The following TENT4A variants were observed in gnomAD, a reference collection of about 807,000 sequenced individuals.
TENT4A encodes terminal nucleotidyltransferase 4A.
In TENT4A, 7 loss-of-function variants were observed where a neutral mutation model predicts 72.8. The observed-to-expected ratio is 0.10, with a 90% CI of 0.05 to 0.18. The LOEUF (loss-of-function observed/expected upper bound fraction) is 0.18, where lower values mean the gene tolerates loss of function less well. Ranked by LOEUF, TENT4A falls within the 10% of genes least tolerant of loss-of-function variation. The pLI, the probability that TENT4A is intolerant of heterozygous loss-of-function variation, is 1.00. For missense variants in TENT4A, 831 were observed against 1,017.7 expected, an observed-to-expected ratio of 0.82 and a Z score of 2.50; for synonymous variants, 456 against 434.3, an observed-to-expected ratio of 1.05 and a Z score of -0.62.
intron 1 of TENT4A, among the ~76,000 whole-genome samples, chr5:6,729,164 C>G (rs1447771801): frequency 6.6e-6 from 1 of 152,218 alleles, no homozygotes; most frequent in East Asian, 1.9e-4. Context: ...CTCAGTGGCT[C>G]AGACTTCAAG....
At chr5:6,750,905 T>A in intron 10 of TENT4A, 134 bp from the exon 11 acceptor site, 1 of 945,240 alleles carries the variant, frequency 1.1e-6, no homozygotes, top group Non-Finnish European at 1.6e-6. Flanking sequence ...GGCTGCCTGT[T>A]CAGAAGTTAG....
chr5:6,717,835 A>C (rs760658708), intron 1 of TENT4A, among the ~76,000 whole-genome samples: 2 of 145,910 alleles, frequency 1.4e-5, no homozygotes, highest in Non-Finnish European at 3.1e-5. Context: ...GGCTGTTGTT[A>C]CTTTGTCATG....
At chr5:6,746,050 T>TGAAGAGGC in intron 6 of TENT4A, 164 bp from the exon 7 acceptor site, 1 of 1,481,060 alleles carries the variant, frequency 6.8e-7, no homozygotes, top group East Asian at 2.5e-5. Flanking sequence ...CACTCCTCGT[T>TGAAGAGGC]GAAGAGGCTG....
At position 6,756,946 on chromosome 5, in the gene TENT4A, C is replaced by T. The variant is rs914992138; in HGVS notation, c.*2001C>T. 7 of 152,516 alleles carry T rather than the reference C, an allele frequency of 4.6e-5. No individual in the cohort carries two copies. The highest frequency in any genetic ancestry group is 2.1e-4 in the South Asian group (1 of 4,826). 9.4% of individuals were successfully genotyped at this position (152,516 alleles called of 1,614,324 possible). A position where few individuals can be genotyped will look rare whatever the true frequency, so the allele number is the denominator to read the frequency against. The stretch of plus-strand genomic sequence containing the variant: ...GGTTTGACAAAAAGATATCATGTTT[C>T]GATTTTTTTGTGTGTGGACAACAAT... On this transcript the variant is annotated 3_prime_UTR_variant, in exon 13 of 13. Transcript: ENST00000230859.
chr5:6,746,285 C>G lies in TENT4A; in HGVS notation c.1317C>G (p.Leu439=), dbSNP rs768281515. The G allele has an allele frequency of 1.5e-5, 24 of 1,614,034 alleles. No homozygotes were observed. The highest frequency in any genetic ancestry group is 1.6e-4 in the Middle Eastern group (1 of 6,084). The change falls in exon 7 of 13, where the codon CTC becomes CTG. Residue 439 remains leucine (L), a synonymous_variant. Coordinates refer to ENST00000230859, the MANE Select transcript of TENT4A (RefSeq NM_006999.6). ...TGCTTCTTGTAGAATTTTTTGAACT[C>G]TATGGGAGAAATTTTAATTACTTGA... ...LGMLLVEFFE[L]YGRNFNYLKT... is the part of the protein sequence containing the mutation.
At chr5:6,747,826 A>C (rs172080) in intron 7 of TENT4A, among the ~76,000 whole-genome samples, 93,671 of 152,142 alleles carry the variant, frequency 0.62, 29,784 homozygotes, top group Non-Finnish European at 0.7. Context: ...GATTAAAATT[A>C]GAAACAGTGC....
intron 1 of TENT4A, among the ~76,000 whole-genome samples, chr5:6,726,888 G>A (rs1740953876): frequency 6.6e-6 from 1 of 152,110 alleles, no homozygotes; most frequent in South Asian, 2.1e-4. Flanking sequence ...CGTGGCGGGG[G>A]GTTTTCTCTT....
intron 1 of TENT4A, among the ~76,000 whole-genome samples, chr5:6,723,357 C>G (rs1382103097): frequency 6.6e-6 from 1 of 151,992 alleles, no homozygotes; most frequent in Non-Finnish European, 1.5e-5. Context: ...CGGTCACTTC[C>G]TTCTCTCAAC....
intron 1 of TENT4A, among the ~76,000 whole-genome samples, chr5:6,731,363 G>C (rs1407943923): frequency 6.6e-6 from 1 of 152,128 alleles, no homozygotes; most frequent in African/African-American, 2.4e-5. Flanking sequence ...TTTTTCCCTA[G>C]AATTCAGGAT....
intron 1 of TENT4A, 67 bp downstream of exon 1, chr5:6,714,766 A>T (rs376790335): frequency 8.5e-5 from 45 of 529,624 alleles, no homozygotes; most frequent in Middle Eastern, 7.3e-4. Flanking sequence ...CCCGCGGTGC[A>T]GACACCCGTC....
Position 6,754,719 on chromosome 5 carries a change from G to T in TENT4A, c.2185-32G>T, listed in dbSNP as rs779276812. The T allele has an allele frequency of 3.3e-6, 5 of 1,529,486 alleles. No homozygotes were observed. The South Asian group carries it at 6.4e-5, about 19-fold the overall frequency. 94.7% of individuals were successfully genotyped at this position (1,529,486 alleles called of 1,614,324 possible). On this transcript the variant is annotated intron_variant, in intron 12 of 12. Transcript: ENST00000230859. ...ACGTGGGCATTGTGCCTGCTGTCTG[G>T]CTCCAACACTGCTGTCTCTCTCTTT...
intron 1 of TENT4A, among the ~76,000 whole-genome samples, chr5:6,734,875 C>T (rs1046227641): frequency 7.2e-5 from 11 of 152,240 alleles, no homozygotes; most frequent in East Asian, 1.9e-4. Flanking sequence ...TTGACAAAAA[C>T]GGATGCCATG....
At chr5:6,736,610 C>T (rs1290242607) in intron 1 of TENT4A, among the ~76,000 whole-genome samples, 3 of 152,224 alleles carry the variant, frequency 2.0e-5, no homozygotes, top group East Asian at 1.9e-4. Context: ...AGCACTTTTC[C>T]TGCAGTCATC....
intron 7 of TENT4A, among the ~76,000 whole-genome samples, chr5:6,747,541 T>G (rs1742172618): frequency 6.6e-6 from 1 of 152,200 alleles, no homozygotes; most frequent in Non-Finnish European, 1.5e-5. Context: ...GTTTTGTTGT[T>G]GTTTATAGAT....
At chr5:6,716,176 A>G (rs1740377343) in intron 1 of TENT4A, among the ~76,000 whole-genome samples, 1 of 152,180 alleles carries the variant, frequency 6.6e-6, no homozygotes, top group African/African-American at 2.4e-5. Flanking sequence ...TCCTCCAGGT[A>G]ACTCTAGTCA....
chr5:6,737,867 G>A (rs992642713), intron 2 of TENT4A, among the ~76,000 whole-genome samples: 29 of 151,392 alleles, frequency 1.9e-4, no homozygotes, highest in African/African-American at 6.1e-4. Flanking sequence ...TGATGCTGGC[G>A]CGCACTCAAG....
Position 6,755,029 on chromosome 5 carries a change from A to C in TENT4A, c.*84A>C, listed in dbSNP as rs975036100. The C allele has an allele frequency of 4.0e-6, 5 of 1,247,958 alleles. No individual in the cohort carries two copies. The Middle Eastern group carries it at 1.1e-3, about 264-fold the overall frequency. 77.3% of individuals were successfully genotyped at this position (1,247,958 alleles called of 1,614,324 possible). A position where few individuals can be genotyped will look rare whatever the true frequency, so the allele number is the denominator to read the frequency against. On this transcript the variant is annotated 3_prime_UTR_variant, in exon 13 of 13. Transcript: ENST00000230859. ...CACCGGCAGGGGAACCGAGACCAGC[A>C]CCCCGCACGTCAGCCGGGCTCGCGG...
At position 6,739,800 on chromosome 5, in the gene TENT4A, G is replaced by A. The variant is rs1320302614; in HGVS notation, c.956G>A (p.Arg319Gln). Residue 319 changes from arginine to glutamine, a missense_variant, in exon 4 of 13, where the codon CGG becomes CAG. Physicochemically the swap from Arg to Gln is conservative, Grantham distance 43 (BLOSUM62 1). This residue lies in a region of TENT4A where 197 missense variants were observed against 399.6 expected (regional missense o/e 0.49). Coordinates refer to ENST00000230859, the MANE Select transcript of TENT4A (RefSeq NM_006999.6). ...TTACAGCTGCTGGAGCAAGCCCTGC[G>A]GAAGCACAACGTGGCTGAGCCGTGT... ...PPLQLLEQAL[R>Q]KHNVAEPCSI... is the part of the protein sequence containing the mutation. The A allele has an allele frequency of 5.0e-6, 8 of 1,614,198 alleles. No homozygotes were observed. The highest frequency in any genetic ancestry group is 1.1e-5 in the South Asian group (1 of 91,086).
chr5:6,736,783 A>C (rs903643776), intron 1 of TENT4A, among the ~76,000 whole-genome samples: 1 of 152,208 alleles, frequency 6.6e-6, no homozygotes, highest in African/African-American at 2.4e-5. Context: ...ACACTGCTTT[A>C]GAGCTTTGTT....
Sources: gnomAD v4.1 joint callset for allele counts (sites outside exome capture counted in the v4.1 genomes callset) on GRCh38, gnomAD v4.1.1 for gene constraint, gnomAD v4.1.1 regional missense constraint, MANE v1.5 for transcripts, NCBI Gene and HGNC (gene_info 2026-07-23, HGNC 2026-07-21) for gene names.